Variants in PKN2 observed in about 807,000 individuals in gnomAD.
PKN2 encodes the protein serine/threonine-protein kinase N2.
Under a neutral mutation model 119.1 loss-of-function variants are expected in PKN2, and 38 were observed. The ratio of observed to expected loss-of-function variants is 0.32; its 90% CI spans 0.25 to 0.42. The LOEUF (loss-of-function observed/expected upper bound fraction) is 0.42. PKN2 is among the 10% of genes least tolerant of loss of function. PKN2 has a pLI of 1.00. For synonymous variants in PKN2, 390 were observed against 384.9 expected (o/e 1.01, Z -0.15); for missense variants, 850 against 1,165.1 (o/e 0.73, Z 3.94).
Position 88,805,942 on chromosome 1 carries a change from A to G in PKN2, c.1728A>G (p.Pro576=). ...TTGATCTTGAGCCTGAACCTCCTCC[A>G]GCCCCACCACGAGCTTCTTCTCTTG... The part of the protein sequence containing the change: ...LDFDLEPEPP[P]APPRASSLGE... Residue 576 remains proline (P), a synonymous_variant, in exon 12 of 22, where the codon CCA becomes CCG. Transcript: ENST00000370521. 6.2e-7 allele frequency: 1 copy of G among 1,613,748 alleles called. No individual in the cohort carries two copies. Among genetic ancestry groups the G allele is most frequent in the Non-Finnish European group, 8.5e-7 (1 of 1,179,638 alleles).
intron 2 of PKN2, among the ~76,000 whole-genome samples, chr1:88,751,754 C>G (rs1669008520): frequency 6.6e-6 from 1 of 152,088 alleles, no homozygotes; most frequent in Non-Finnish European, 1.5e-5. Flanking sequence ...CTTCTCAGAC[C>G]TACCTTCTAG....
At chr1:88,781,794 T>C (rs9803847) in intron 6 of PKN2, among the ~76,000 whole-genome samples, 16,989 of 152,114 alleles carry the variant, frequency 0.11, 1,972 homozygotes, top group African/African-American at 0.3. Flanking sequence ...CATTTTACAG[T>C]TGAGCATTTA....
rs553820756 is a variant in PKN2, at chr1:88,797,897, C to A, written c.1282-6494C>A. Among the ~76,000 whole-genome samples, 6 of 152,058 alleles carry A rather than the reference C, an allele frequency of 3.9e-5. No homozygotes were observed. The East Asian group carries it at 7.8e-4, about 20-fold the overall frequency. ...TAATCCCAGCACTTTGGGAGGCTGA[C>A]ATGGGAGAATGGTTTGAGACTAGCC... On this transcript the variant is annotated intron_variant, in intron 8 of 21. Transcript: ENST00000370521.
intron 6 of PKN2, chr1:88,781,106 T>C (rs1448401837): frequency 8.0e-7 from 1 of 1,246,212 alleles, no homozygotes. Context: ...GGGAGAGAAA[T>C]ACTACTGACA....
At chr1:88,774,287 G>A (rs1670003154) in intron 6 of PKN2, among the ~76,000 whole-genome samples, 1 of 152,208 alleles carries the variant, frequency 6.6e-6, no homozygotes. Flanking sequence ...GTGTGATTGA[G>A]TGAATCATTG....
At chr1:88,805,864 T>C in intron 11 of PKN2, 27 bp from the exon 12 acceptor site, 1 of 1,612,656 alleles carries the variant, frequency 6.2e-7, no homozygotes, top group Non-Finnish European at 8.5e-7. Flanking sequence ...TATTACTGTT[T>C]TGGTGAGTTA....
Position 88,813,602 on chromosome 1 carries a change from G to C in PKN2, c.2148G>C (p.Arg716Ser). 2 of 1,609,386 alleles carry C rather than the reference G, an allele frequency of 1.2e-6. No homozygotes were observed. The highest frequency in any genetic ancestry group is 2.2e-5 in the East Asian group (1 of 44,580). ...TTTTTGAAACTGTGAATAGTGTAAGGCATCCCTTTTTGGTGAACCTTTTTG... is the reference window on the plus strand; with the variant it reads ...TTTTTGAAACTGTGAATAGTGTAAGCCATCCCTTTTTGGTGAACCTTTTTG... Reference protein sequence around the residue: ...KRIFETVNSVRHPFLVNLFAC... With the variant: ...KRIFETVNSVSHPFLVNLFAC... The change falls in exon 16 of 22, where the codon AGG (arginine) becomes AGC (serine). Residue 716 changes from arginine to serine, a missense_variant. Transcript: ENST00000370521.
intron 8 of PKN2, among the ~76,000 whole-genome samples, chr1:88,797,598 C>T (rs1182507979): frequency 1.3e-5 from 2 of 150,360 alleles, no homozygotes; most frequent in African/African-American, 2.5e-5. Context: ...GCGGAGATTG[C>T]GCCACTGCGC....
At chr1:88,752,557 T>G (rs1485591032) in intron 2 of PKN2, among the ~76,000 whole-genome samples, 1 of 152,096 alleles carries the variant, frequency 6.6e-6, no homozygotes, top group African/African-American at 2.4e-5. Flanking sequence ...ATTTGCCAGT[T>G]TTTTCTTTAT....
chr1:88,733,896 C>T (rs1445253479), intron 1 of PKN2, among the ~76,000 whole-genome samples: 1 of 152,128 alleles, frequency 6.6e-6, no homozygotes, highest in Admixed American at 6.6e-5. Flanking sequence ...TAGTGGCTCA[C>T]GCCTATAATC....
chr1:88,811,465 A>G (rs1671780632), intron 15 of PKN2, among the ~76,000 whole-genome samples: 1 of 152,252 alleles, frequency 6.6e-6, no homozygotes, highest in African/African-American at 2.4e-5. Flanking sequence ...AGACATTAAT[A>G]CATTATGTAA....
At chr1:88,819,460 T>C (rs1672155120) in intron 16 of PKN2, among the ~76,000 whole-genome samples, 1 of 152,142 alleles carries the variant, frequency 6.6e-6, no homozygotes, top group African/African-American at 2.4e-5. Context: ...AAAACTACAA[T>C]GAGATACCAT....
chr1:88,741,078 G>A lies in PKN2; in HGVS notation c.139G>A (p.Asp47Asn). ...SDTMVQQKLDDIKDRIKREIR... is the reference protein window; with the variant it reads ...SDTMVQQKLDNIKDRIKREIR... ...TACAATGGTGCAGCAGAAATTGGAT[G>A]ATATCAAGGATCGAATTAAGAGAGA... Residue 47 changes from aspartate to asparagine, a missense_variant, in exon 2 of 22, where the codon GAT (aspartate) becomes AAT (asparagine). Asp to Asn is a conservative substitution (Grantham distance 23, BLOSUM62 1). Transcript: ENST00000370521. The A allele has an allele frequency of 6.2e-7, 1 of 1,608,950 alleles. No individual in the cohort carries two copies. The highest frequency in any genetic ancestry group is 8.5e-7 in the Non-Finnish European group (1 of 1,177,850).
At chr1:88,687,199 A>C (rs1320565641) in intron 1 of PKN2, among the ~76,000 whole-genome samples, 2 of 152,144 alleles carry the variant, frequency 1.3e-5, no homozygotes, top group Non-Finnish European at 2.9e-5. Flanking sequence ...CTGTCTTGTT[A>C]ATTACTGTAA....
At chr1:88,715,941 A>G (rs1052173672) in intron 1 of PKN2, among the ~76,000 whole-genome samples, 1 of 152,160 alleles carries the variant, frequency 6.6e-6, no homozygotes, top group Admixed American at 6.5e-5. Flanking sequence ...AGTGCTATAA[A>G]TTTCTCTTTA....
intron 1 of PKN2, among the ~76,000 whole-genome samples, chr1:88,734,571 T>C (rs1668265789): frequency 1.3e-5 from 2 of 152,240 alleles, no homozygotes; most frequent in Non-Finnish European, 2.9e-5. Context: ...TTTATACCAG[T>C]AGCATGCTAT....
chr1:88,760,154 A>G, intron 2 of PKN2, 68 bp from the exon 3 acceptor site: 1 of 898,894 alleles, frequency 1.1e-6, no homozygotes, highest in Non-Finnish European at 1.8e-6. Context: ...TTATTTGAAA[A>G]ATATTAACTT....
At chr1:88,712,739 G>T (rs759402363) in intron 1 of PKN2, among the ~76,000 whole-genome samples, 2 of 152,062 alleles carry the variant, frequency 1.3e-5, no homozygotes, top group African/African-American at 2.4e-5. Flanking sequence ...TTACTTAAAT[G>T]ATACATTTGT....
intron 15 of PKN2, among the ~76,000 whole-genome samples, chr1:88,809,614 A>G (rs1322712046): frequency 3.3e-5 from 5 of 152,148 alleles, no homozygotes; most frequent in African/African-American, 9.7e-5. Flanking sequence ...CATTACCTCT[A>G]CTGAAAATTA....
Sources: allele counts gnomAD v4.1 joint callset (sites outside exome capture counted in the v4.1 genomes callset), GRCh38; gene constraint gnomAD v4.1.1; transcripts MANE v1.5; gene names NCBI Gene and HGNC (gene_info 2026-07-23, HGNC 2026-07-21).